The following EPDR1 variants were observed in gnomAD, a reference collection of about 807,000 sequenced individuals.
EPDR1 encodes the protein ependymin related 1.
A neutral mutation model predicts 23.7 loss-of-function variants in EPDR1; 27 were observed. That is an observed-to-expected ratio of 1.14 (90% CI 0.84 to 1.57). The LOEUF is 1.57. Among genes scored for constraint, EPDR1 ranks in the 40% most tolerant of loss-of-function variants. The probability of loss-of-function intolerance (pLI) is 0.00; values close to 1 mark genes in which losing one functional copy is unlikely to be tolerated. For missense variants in EPDR1, 349 were observed against 290.4 expected (o/e 1.20, Z -1.47); for synonymous variants, 137 against 118.2 (o/e 1.16, Z -1.03).
intron 1 of EPDR1, among the ~76,000 whole-genome samples, chr7:37,947,964 T>C (rs1479613443): frequency 1.3e-5 from 2 of 152,198 alleles, no homozygotes; most frequent in African/African-American, 4.8e-5. Context: ...GCCTCAGCTT[T>C]TGTCTTTGCT....
At chr7:37,923,570 A>C (rs1461189451) in intron 1 of EPDR1, among the ~76,000 whole-genome samples, 2 of 152,180 alleles carry the variant, frequency 1.3e-5, no homozygotes, top group Admixed American at 6.5e-5. Flanking sequence ...CGCATTGATG[A>C]ATAGTCATAT....
At chr7:37,948,342 AT>A (rs56967310) in intron 1 of EPDR1, among the ~76,000 whole-genome samples, 11,086 of 135,484 alleles carry the variant, frequency 0.082, 876 homozygotes, top group African/African-American at 0.23. Flanking sequence ...TTTGACCTCA[AT>A]TTTTTTTTTT....
At chr7:37,945,276 T>A (rs1786250849) in intron 1 of EPDR1, among the ~76,000 whole-genome samples, 1 of 152,188 alleles carries the variant, frequency 6.6e-6, no homozygotes, top group Admixed American at 6.5e-5. Flanking sequence ...TTATAAAAAA[T>A]TAGCTCCATT....
At chr7:37,931,923 T>C (rs1309867098) in intron 1 of EPDR1, among the ~76,000 whole-genome samples, 1 of 152,158 alleles carries the variant, frequency 6.6e-6, no homozygotes, top group African/African-American at 2.4e-5. Context: ...TTAGCCAGGA[T>C]GGTCTCGATC....
chr7:37,939,444 T>C (rs1786126697), intron 1 of EPDR1, among the ~76,000 whole-genome samples: 1 of 152,228 alleles, frequency 6.6e-6, no homozygotes, highest in African/African-American at 2.4e-5. Flanking sequence ...AAAACATCAG[T>C]GATTTCACCA....
At chr7:37,935,167 A>G (rs1183392094) in intron 1 of EPDR1, among the ~76,000 whole-genome samples, 1 of 152,128 alleles carries the variant, frequency 6.6e-6, no homozygotes, top group East Asian at 1.9e-4. Flanking sequence ...CCAATCTTCC[A>G]TGGAGGTAGA....
chr7:37,928,867 G>T (rs939891611), intron 1 of EPDR1, among the ~76,000 whole-genome samples: 2 of 152,058 alleles, frequency 1.3e-5, no homozygotes, highest in African/African-American at 4.8e-5. Context: ...CTTTTATTAT[G>T]TCTCGGCTGG....
At chr7:37,947,998 T>C (rs903412014) in intron 1 of EPDR1, among the ~76,000 whole-genome samples, 5 of 152,238 alleles carry the variant, frequency 3.3e-5, no homozygotes, top group African/African-American at 1.2e-4. Flanking sequence ...CTGCAGGGTA[T>C]GTGGGCTGCG....
At position 37,950,206 on chromosome 7, in the gene EPDR1, C is replaced by A. The variant is rs1191546158; in HGVS notation, c.485C>A (p.Thr162Asn). Reference sequence around the variant, plus strand: ...AACTTTTTTCCTCTTATAGATGAAACCTGGATTGGCATCTATACAGTCAAG... The same window carrying A: ...AACTTTTTTCCTCTTATAGATGAAAACTGGATTGGCATCTATACAGTCAAG... ...SDRKSARSYE[T>N]WIGIYTVKDC... Residue 162 changes from threonine to asparagine, a missense_variant, in exon 3 of 3, where the codon ACC (threonine) becomes AAC (asparagine). Transcript: ENST00000199448. 2.5e-6 allele frequency: 4 copies of A among 1,595,696 alleles called. No homozygotes were observed. The highest frequency in any genetic ancestry group is 3.4e-6 in the Non-Finnish European group (4 of 1,167,148).
rs1255486710 is a variant in EPDR1 at position 37,949,008 on chromosome 7, C to T, written c.438C>T (p.Ile146=). Residue 146 remains isoleucine (I), a synonymous_variant, in exon 2 of 3, where the codon ATC becomes ATT. Transcript: ENST00000199448. ...QYSIGGPQEQ[I]TVQEWSDRKS... ...CCATCGGGGGGCCTCAGGAGCAGAT[C>T]ACCGTCCAGGAGTGGTCGGACAGAA... is the stretch of plus-strand genomic sequence containing the variant. 1 of 1,614,056 alleles carries T rather than the reference C, an allele frequency of 6.2e-7. No homozygotes were observed.
chr7:37,948,229 C>A (rs1410408691), intron 1 of EPDR1, among the ~76,000 whole-genome samples: 1 of 152,130 alleles, frequency 6.6e-6, no homozygotes, highest in Non-Finnish European at 1.5e-5. Flanking sequence ...GTTCACAAAC[C>A]AGCTCTTCAG....
chr7:37,944,471 G>A (rs1293684154), intron 1 of EPDR1, among the ~76,000 whole-genome samples: 1 of 152,202 alleles, frequency 6.6e-6, no homozygotes, highest in Non-Finnish European at 1.5e-5. Flanking sequence ...GACTGTATTA[G>A]TCTGTTCTCA....
Position 37,920,814 on chromosome 7 carries a change from G to A in EPDR1, c.-126G>A, listed in dbSNP as rs755421529. The A allele has an allele frequency of 1.9e-6, 3 of 1,610,424 alleles. No individual in the cohort carries two copies. The highest frequency in any genetic ancestry group is 2.5e-6 in the Non-Finnish European group (3 of 1,178,360). ...GCAGAGGCCACCGAAGGGACAGGAAGCACTTTGGTCCAGACCACACTCCCG... is the reference window on the plus strand; with the variant it reads ...GCAGAGGCCACCGAAGGGACAGGAAACACTTTGGTCCAGACCACACTCCCG... On this transcript the variant is annotated 5_prime_UTR_variant, in exon 1 of 3. Transcript: ENST00000199448.
intron 1 of EPDR1, among the ~76,000 whole-genome samples, chr7:37,926,328 CTTCAGTGTAT>C (rs142758250): frequency 1.6e-3 from 250 of 152,234 alleles, no homozygotes; most frequent in African/African-American, 5.8e-3. Flanking sequence ...TCCCCAAATG[CTTCAGTGTAT>C]TTCCTCCCAG....
At chr7:37,923,861 G>A (rs181531395) in intron 1 of EPDR1, among the ~76,000 whole-genome samples, 67 of 152,256 alleles carry the variant, frequency 4.4e-4, no homozygotes, top group Non-Finnish European at 7.4e-4. Context: ...GAGCTCAAGT[G>A]TATAAAACAT....
intron 1 of EPDR1, among the ~76,000 whole-genome samples, chr7:37,932,292 T>G (rs989679672): frequency 6.6e-6 from 1 of 152,160 alleles, no homozygotes; most frequent in Non-Finnish European, 1.5e-5. Flanking sequence ...AATTTCTAAA[T>G]TTTTAAAATT....
chr7:37,938,288 T>G (rs1233408719), intron 1 of EPDR1, among the ~76,000 whole-genome samples: 1 of 152,038 alleles, frequency 6.6e-6, no homozygotes, highest in African/African-American at 2.4e-5. Flanking sequence ...CCACACCCAG[T>G]GCCTTTAAAT....
At chr7:37,935,405 A>C (rs984011706) in intron 1 of EPDR1, among the ~76,000 whole-genome samples, 2 of 152,228 alleles carry the variant, frequency 1.3e-5, no homozygotes, top group South Asian at 4.1e-4. Flanking sequence ...ACGTTAACTG[A>C]TGATGATAAA....
chr7:37,948,737 T>C, intron 1 of EPDR1, 103 bp from the exon 2 acceptor site: 1 of 841,884 alleles, frequency 1.2e-6, no homozygotes, highest in Admixed American at 2.2e-5. Context: ...TAGTAATTTC[T>C]TTCTATTTTA....
Sources: allele counts gnomAD v4.1 joint callset (sites outside exome capture counted in the v4.1 genomes callset), GRCh38; gene constraint gnomAD v4.1.1; transcripts MANE v1.5; gene names NCBI Gene and HGNC (gene_info 2026-07-23, HGNC 2026-07-21).